The following OR2B11 variants were observed in gnomAD, a reference collection of about 807,000 sequenced individuals.
OR2B11 encodes olfactory receptor 2B11.
For synonymous variants in OR2B11, 198 were observed against 174.5 expected, an observed-to-expected ratio of 1.13 and a Z score of -1.06; for missense variants, 422 against 400.0, an observed-to-expected ratio of 1.05 and a Z score of -0.47.
At chr1:247,449,175 T>C (rs1285629169), downstream of OR2B11, 1 of 152,406 alleles carries the variant, frequency 6.6e-6, no homozygotes, top group East Asian at 1.9e-4. Flanking sequence ...GTTTGGTGCA[T>C]TTTAAAAGTC....
Position 247,451,111 on chromosome 1 carries a change from G to A in OR2B11, c.872C>T (p.Pro291Leu). 2 of 1,516,594 alleles carry A rather than the reference G, an allele frequency of 1.3e-6. No homozygotes were observed. Among genetic ancestry groups the A allele is most frequent in the South Asian group, 2.7e-5 (2 of 74,750 alleles). 93.9% of individuals were successfully genotyped at this position (1,516,594 alleles called of 1,614,324 possible). Residue 291 changes from proline to leucine, a missense_variant, in exon 2 of 2, where the codon CCC (proline) becomes CTC (leucine). By Grantham distance (98) the Pro-to-Leu change is moderately conservative. Transcript: ENST00000641149. ...FYSIITPTLN[P>L]FTYTLRNKDM... ...TTTATTTCTCAGGGTGTAGGTGAAG[G>A]GATTGAGAGTGGGGGTGATTATGGA...
intron 1 of OR2B11, among the ~76,000 whole-genome samples, chr1:247,456,085 A>G (rs1664959420): frequency 6.6e-6 from 1 of 152,206 alleles, no homozygotes; most frequent in African/African-American, 2.4e-5. Context: ...GGCACCGCAT[A>G]TGAGCCTTCC....
Position 247,451,881 on chromosome 1 carries a change from G to T in OR2B11, c.102C>A (p.Val34=), listed in dbSNP as rs569011284. 1 of 1,614,068 alleles carries T rather than the reference G, an allele frequency of 6.2e-7. No individual in the cohort carries two copies. Among genetic ancestry groups the T allele is most frequent in the Non-Finnish European group, 8.5e-7 (1 of 1,180,014 alleles). Residue 34 remains valine (V), a synonymous_variant, in exon 2 of 2, where the codon GTC becomes GTA. Coordinates refer to ENST00000641149, the MANE Select transcript of OR2B11 (RefSeq NM_001004492.2). ...TGGCCAGCACATAGGACAGCAGGAGGACCACAAAGAGAGGGAGTTCCAGCC... is the reference window on the plus strand; with the variant it reads ...TGGCCAGCACATAGGACAGCAGGAGTACCACAAAGAGAGGGAGTTCCAGCC... The part of the protein sequence containing the change: ...RPWLELPLFV[V]LLLSYVLAML...
chr1:247,454,043 A>T lies in OR2B11; in HGVS notation c.-2061T>A, dbSNP rs1161380003. ...ACTGAGACAAAAGAAGTTCCTGGGA[A>T]GGGGAGATGAGGGAGAGGAAGGTCA... is the stretch of plus-strand genomic sequence containing the variant. On this transcript the variant is annotated 5_prime_UTR_variant, in exon 2 of 2. Transcript: ENST00000641149. 6.6e-6 allele frequency: 1 copy of T among 152,320 alleles called. No individual in the cohort carries two copies. Among genetic ancestry groups the T allele is most frequent in the African/African-American group, 2.4e-5 (1 of 41,462 alleles). 9.4% of individuals were successfully genotyped at this position (152,320 alleles called of 1,614,324 possible). A position where few individuals can be genotyped will look rare whatever the true frequency, so the allele number is the denominator to read the frequency against.
At chr1:247,455,381 C>A (rs916049709) in intron 1 of OR2B11, among the ~76,000 whole-genome samples, 1 of 152,180 alleles carries the variant, frequency 6.6e-6, no homozygotes, top group Non-Finnish European at 1.5e-5. Flanking sequence ...TGTTCAGCTG[C>A]GGAGGCCATC....
In OR2B11 at chr1:247,453,016, A is replaced by G. The variant is rs1664882600; in HGVS notation, c.-1034T>C. ...ATTCGTGGGTCCTTTCGACTGCACC[A>G]TTGGCTTCTCACCTCCTACAATCGC... On this transcript the variant is annotated 5_prime_UTR_variant, in exon 2 of 2. It removes an upstream start codon present in the reference 5' UTR. Transcript: ENST00000641149. The G allele has an allele frequency of 6.6e-6, 1 of 152,194 alleles. No homozygotes were observed. 9.4% of individuals were successfully genotyped at this position (152,194 alleles called of 1,614,324 possible). A position where few individuals can be genotyped will look rare whatever the true frequency, so the allele number is the denominator to read the frequency against.
At chr1:247,455,305 G>A (rs939952763) in intron 1 of OR2B11, among the ~76,000 whole-genome samples, 4 of 152,178 alleles carry the variant, frequency 2.6e-5, no homozygotes, top group African/African-American at 7.2e-5. Flanking sequence ...TTAGTCCAAA[G>A]GGTCTCTTTC....
rs149216504 is a variant in OR2B11, at chr1:247,451,672, T to C, written c.311A>G (p.Gln104Arg). 1.9e-5 allele frequency: 31 copies of C among 1,614,050 alleles called. No homozygotes were observed. The highest frequency in any genetic ancestry group is 2.5e-5 in the Non-Finnish European group (30 of 1,180,022). Residue 104 changes from glutamine to arginine, a missense_variant, in exon 2 of 2, where the codon CAA (glutamine) becomes CGA (arginine). Physicochemically the swap from Gln to Arg is conservative, Grantham distance 43. Transcript: ENST00000641149. ...TCCCAGCCAGTGGAAGACTGCATAT[T>C]GCACAGTGCAGCCTCCATAGCTGAT... ...KTISYGGCTV[Q>R]YAVFHWLGCT...
At position 247,451,153 on chromosome 1, in the gene OR2B11, A is replaced by G. The variant is rs1664833845; in HGVS notation, c.830T>C (p.Phe277Ser). Residue 277 changes from phenylalanine to serine, a missense_variant, in exon 2 of 2, where the codon TTT (phenylalanine) becomes TCT (serine). By Grantham distance (155) the Phe-to-Ser change is radical. Transcript: ENST00000641149. ...GATTATGGAATAGAAGAGAGAAATA[A>G]ATTTGCCCTGCTCTTGGGAGTAGCT... Reference protein sequence around the residue: ...PSSYSQEQGKFISLFYSIITP... With the variant: ...PSSYSQEQGKSISLFYSIITP... 2 of 1,536,194 alleles carry G rather than the reference A, an allele frequency of 1.3e-6. No individual in the cohort carries two copies. Among genetic ancestry groups the G allele is most frequent in the Non-Finnish European group, 1.8e-6 (2 of 1,141,552 alleles).
At position 247,450,647 on chromosome 1, in the gene OR2B11, G is replaced by T; in HGVS notation, c.*382C>A. 6.2e-6 allele frequency: 1 copy of T among 160,262 alleles called. No homozygotes were observed. Among genetic ancestry groups the T allele is most frequent in the Non-Finnish European group, 1.4e-5 (1 of 73,750 alleles). The allele number at this position is 160,262 out of a possible 1,614,324, so 9.9% of individuals were successfully genotyped here. A position where few individuals can be genotyped will look rare whatever the true frequency, so the allele number is the denominator to read the frequency against. On this transcript the variant is annotated 3_prime_UTR_variant, in exon 2 of 2. Coordinates refer to ENST00000641149, the MANE Select transcript of OR2B11 (RefSeq NM_001004492.2). Reference sequence around the variant, plus strand: ...ATATGGAGAAAAACACTTATTCATTGTAAGTAAAATAAGATTGTATTTCAG... The same window carrying T: ...ATATGGAGAAAAACACTTATTCATTTTAAGTAAAATAAGATTGTATTTCAG...
chr1:247,451,395 G>T lies in OR2B11; in HGVS notation c.588C>A (p.Thr196=). The T allele has an allele frequency of 6.2e-7, 1 of 1,614,108 alleles. No individual in the cohort carries two copies. Among genetic ancestry groups the T allele is most frequent in the Non-Finnish European group, 8.5e-7 (1 of 1,179,994 alleles). ...PAVIKLSCAD[T]AVNDTILAVL... ...CAGCCAGTATGGTGTCATTCACAGCGGTGTCAGCACACGACAGCTTGATCA... is the reference window on the plus strand; with the variant it reads ...CAGCCAGTATGGTGTCATTCACAGCTGTGTCAGCACACGACAGCTTGATCA... The change falls in exon 2 of 2, where the codon ACC becomes ACA. Residue 196 remains threonine (T), a synonymous_variant. Coordinates refer to ENST00000641149, the MANE Select transcript of OR2B11 (RefSeq NM_001004492.2).
At position 247,451,844 on chromosome 1, in the gene OR2B11, C is replaced by A. The variant is rs371313076; in HGVS notation, c.139G>T (p.Val47Phe). The A allele has an allele frequency of 2.5e-6, 4 of 1,614,102 alleles. No homozygotes were observed. The Admixed American group carries it at 6.7e-5, about 27-fold the overall frequency. The change falls in exon 2 of 2, where the codon GTC becomes TTC. Residue 47 changes from valine (V) to phenylalanine (F), a missense_variant. Transcript: ENST00000641149. ...LSYVLAMLGN[V>F]AIILASRVDP... ...ACCCGGGATGCCAGGATGATGGCGA[C>A]GTTCCCCAACATGGCCAGCACATAG... is the stretch of plus-strand genomic sequence containing the variant.
At chr1:247,456,776 T>C (rs1036468080) in intron 1 of OR2B11, among the ~76,000 whole-genome samples, 1 of 152,134 alleles carries the variant, frequency 6.6e-6, no homozygotes, top group East Asian at 1.9e-4. Flanking sequence ...CACTCCCTGA[T>C]GGGCCCCGGT....
Position 247,452,225 on chromosome 1 carries a change from A to G in OR2B11, c.-243T>C, listed in dbSNP as rs73140591. On this transcript the variant is annotated 5_prime_UTR_variant, in exon 2 of 2. Coordinates refer to ENST00000641149, the MANE Select transcript of OR2B11 (RefSeq NM_001004492.2). ...CTCAGTGGCCGCAACTAAACCATTT[A>G]ATATTCCTGAACTTCTGCATCTGTA... is the stretch of plus-strand genomic sequence containing the variant. The G allele has an allele frequency of 1.6e-3, 781 of 477,736 alleles. 4 individuals are homozygous for G. Among genetic ancestry groups the G allele is most frequent in the African/African-American group, 9.6e-3 (502 of 52,192 alleles). The allele number at this position is 477,736 out of a possible 1,614,324, so 29.6% of individuals were successfully genotyped here.
In OR2B11 at chr1:247,449,546, A is replaced by T. The variant is rs1437413364; in HGVS notation, c.*1483T>A. On this transcript the variant is annotated 3_prime_UTR_variant, in exon 2 of 2. Coordinates refer to ENST00000641149, the MANE Select transcript of OR2B11 (RefSeq NM_001004492.2). ...TTTCCTCTGTACAATTAGCCATCAA[A>T]GTAGCCACACTTTGCTACTCAAAGT... is the stretch of plus-strand genomic sequence containing the variant. 6.6e-6 allele frequency: 1 copy of T among 152,236 alleles called. No homozygotes were observed. Among genetic ancestry groups the T allele is most frequent in the Non-Finnish European group, 1.5e-5 (1 of 68,042 alleles). 9.4% of individuals were successfully genotyped at this position (152,236 alleles called of 1,614,324 possible).
intron 1 of OR2B11, among the ~76,000 whole-genome samples, chr1:247,456,040 C>T (rs72655372): frequency 0.093 from 14,171 of 152,212 alleles, 798 homozygotes; most frequent in Non-Finnish European, 0.12. Flanking sequence ...AGTAAGTGCA[C>T]ACTGAATGAG....
rs1400234925 is a variant in OR2B11, at chr1:247,451,027, C to T, written c.*2G>A. ...ATGGAGATGCTACATCTCATGTCCT[C>T]ATCATCCACAGAGCCTCCAGATCCT... On this transcript the variant is annotated 3_prime_UTR_variant, in exon 2 of 2. Coordinates refer to ENST00000641149, the MANE Select transcript of OR2B11 (RefSeq NM_001004492.2). 4 of 1,467,214 alleles carry T rather than the reference C, an allele frequency of 2.7e-6. No individual in the cohort carries two copies. The highest frequency in any genetic ancestry group is 4.0e-4 in the Middle Eastern group (2 of 4,968). 90.9% of individuals were successfully genotyped at this position (1,467,214 alleles called of 1,614,324 possible). A position where few individuals can be genotyped will look rare whatever the true frequency, so the allele number is the denominator to read the frequency against.
Position 247,451,311 on chromosome 1 carries a change from A to C in OR2B11, c.672T>G (p.Phe224Leu), listed in dbSNP as rs748598350. ...GGATCCTGAGCACTGCCCGGGCAAT[A>C]AAGCCATAGGAGAGAAGGATGAGAG... is the stretch of plus-strand genomic sequence containing the variant. ...PLALILLSYGFIARAVLRIQS... is the reference protein window; with the variant it reads ...PLALILLSYGLIARAVLRIQS... Residue 224 changes from phenylalanine to leucine, a missense_variant, in exon 2 of 2, where the codon TTT (phenylalanine) becomes TTG (leucine). By Grantham distance (22) the Phe-to-Leu change is conservative (BLOSUM62 0). Coordinates refer to ENST00000641149, the MANE Select transcript of OR2B11 (RefSeq NM_001004492.2). The C allele has an allele frequency of 1.9e-6, 3 of 1,614,128 alleles. No individual in the cohort carries two copies.
Position 247,451,361 on chromosome 1 carries a change from C to A in OR2B11, c.622G>T (p.Ala208Ser). 3 of 1,614,162 alleles carry A rather than the reference C, an allele frequency of 1.9e-6. No homozygotes were observed. The highest frequency in any genetic ancestry group is 2.5e-6 in the Non-Finnish European group (3 of 1,180,024). ...GCCAGGGGCACCAACACGAAGAAGG[C>A]CACCAGCACAGCCAGTATGGTGTCA... Reference protein sequence around the residue: ...VNDTILAVLVAFFVLVPLALI... With the variant: ...VNDTILAVLVSFFVLVPLALI... Residue 208 changes from alanine (A) to serine (S), a missense_variant, in exon 2 of 2, where the codon GCC (alanine) becomes TCC (serine). Coordinates refer to ENST00000641149, the MANE Select transcript of OR2B11 (RefSeq NM_001004492.2).
Sources: gnomAD v4.1 joint callset for allele counts (sites outside exome capture counted in the v4.1 genomes callset) on GRCh38, gnomAD v4.1.1 for gene constraint, MANE v1.5 for transcripts, NCBI Gene and HGNC (gene_info 2026-07-23, HGNC 2026-07-21) for gene names.